Variants in ABCD3 observed in about 807,000 individuals in gnomAD.
ABCD3 encodes the protein ATP binding cassette subfamily D member 3.
Under a neutral mutation model 105.5 loss-of-function variants are expected in ABCD3, and 41 were observed. The observed-to-expected ratio is 0.39, with a 90% CI of 0.30 to 0.50. The LOEUF (loss-of-function observed/expected upper bound fraction) is 0.50. Among genes scored for constraint, ABCD3 ranks in the 20% least tolerant of loss-of-function variants. The pLI, the probability that ABCD3 is intolerant of heterozygous loss-of-function variation, is 0.84. For synonymous variants in ABCD3, 258 were observed against 269.0 expected (o/e 0.96, Z 0.40); for missense variants, 622 against 806.3 (o/e 0.77, Z 2.77).
intron 16 of ABCD3, among the ~76,000 whole-genome samples, chr1:94,492,822 A>G (rs1749541): frequency 0.74 from 112,074 of 152,042 alleles, 41,666 homozygotes; most frequent in Admixed American, 0.83. Flanking sequence ...TGGGATACTT[A>G]GAATAGATGG....
rs1557691806 is a variant in ABCD3 at position 94,506,637 on chromosome 1, C to T, written c.1840C>T (p.Arg614Ter). 4.3e-6 allele frequency: 7 copies of T among 1,610,942 alleles called. No individual in the cohort carries two copies. Among genetic ancestry groups the T allele is most frequent in the Non-Finnish European group, 5.1e-6 (6 of 1,177,754 alleles). ...GGAAGGCTACATTTATAGTCATTGTCGAAAGGTAAGTACGCAGGTGCTCAG... is the reference window on the plus strand; with the variant it reads ...GGAAGGCTACATTTATAGTCATTGTTGAAAGGTAAGTACGCAGGTGCTCAG... ...DVEGYIYSHC[R>*]KVGITLFTVS... is the part of the protein sequence containing the mutation. Residue 614 changes from arginine (R) to a stop codon, truncating the protein, a stop_gained, in exon 21 of 23, where the codon CGA becomes TGA. Coordinates refer to ENST00000370214, the MANE Select transcript of ABCD3 (RefSeq NM_002858.4). LOFTEE classifies it high-confidence loss of function.
intron 1 of ABCD3, among the ~76,000 whole-genome samples, chr1:94,440,795 G>A (rs758028289): frequency 3.3e-5 from 5 of 152,280 alleles, no homozygotes; most frequent in Non-Finnish European, 5.9e-5. Flanking sequence ...CATGGGTTTT[G>A]GGTTTTGCTA....
chr1:94,448,990 C>G (rs1336652022), intron 1 of ABCD3, among the ~76,000 whole-genome samples: 1 of 151,316 alleles, frequency 6.6e-6, no homozygotes, highest in Non-Finnish European at 1.5e-5. Flanking sequence ...AGCGGCTGAA[C>G]AGCATCTACA....
At chr1:94,515,807 ATT>A (rs1650889119) in intron 22 of ABCD3, among the ~76,000 whole-genome samples, 3 of 151,136 alleles carry the variant, frequency 2.0e-5, no homozygotes, top group Non-Finnish European at 4.4e-5. Context: ...AATTCTCTTT[ATT>A]TTCTTTCCTC....
chr1:94,462,161 A>T (rs559872368), intron 2 of ABCD3, among the ~76,000 whole-genome samples: 1 of 152,140 alleles, frequency 6.6e-6, no homozygotes, highest in East Asian at 1.9e-4. Context: ...TATAATGTTC[A>T]TGTTAAACTT....
intron 1 of ABCD3, among the ~76,000 whole-genome samples, chr1:94,428,910 C>A (rs188705781): frequency 4.9e-4 from 74 of 152,208 alleles, no homozygotes; most frequent in African/African-American, 1.6e-3. Flanking sequence ...GGGTAACAGG[C>A]AGAGGTTGGA....
chr1:94,418,757 C>T, intron 1 of ABCD3, 169 bp downstream of exon 1: 2 of 678,168 alleles, frequency 2.9e-6, no homozygotes, highest in Non-Finnish European at 5.0e-6. Flanking sequence ...CGAGTCCCCG[C>T]CACGACGGCG....
At chr1:94,412,895 A>G in the ABCD3 span, among the ~76,000 whole-genome samples, 181 of 152,244 alleles carry the variant, frequency 1.2e-3, no homozygotes, top group Middle Eastern at 6.8e-3. Context: ...TGTGTGAGCT[A>G]TATCATTATT....
At chr1:94,463,945 C>G (rs1266982571) in intron 2 of ABCD3, among the ~76,000 whole-genome samples, 2 of 152,168 alleles carry the variant, frequency 1.3e-5, no homozygotes, top group Non-Finnish European at 2.9e-5. Context: ...ATTTCCAACA[C>G]TGTATTTTTG....
In ABCD3 at chr1:94,517,305, T is replaced by C; in HGVS notation, c.*176T>C. On this transcript the variant is annotated 3_prime_UTR_variant, in exon 23 of 23. Coordinates refer to ENST00000370214, the MANE Select transcript of ABCD3 (RefSeq NM_002858.4). Reference sequence around the variant, plus strand: ...AGTTGTTAAAACATTTAATATTATATAGGATATTGCTAATTGTGTATATGT... The same window carrying C: ...AGTTGTTAAAACATTTAATATTATACAGGATATTGCTAATTGTGTATATGT... 1 of 559,454 alleles carries C rather than the reference T, an allele frequency of 1.8e-6. No homozygotes were observed. The highest frequency in any genetic ancestry group is 2.0e-5 in the South Asian group (1 of 50,836). 34.7% of individuals were successfully genotyped at this position (559,454 alleles called of 1,614,324 possible). A position where few individuals can be genotyped will look rare whatever the true frequency, so the allele number is the denominator to read the frequency against.
At chr1:94,512,425 A>G (rs968359714) in intron 21 of ABCD3, among the ~76,000 whole-genome samples, 11 of 151,936 alleles carry the variant, frequency 7.2e-5, no homozygotes, top group African/African-American at 2.4e-4. Context: ...ATGTTGTTTT[A>G]TATAAATGAG....
chr1:94,387,403 C>A, the ABCD3 span, among the ~76,000 whole-genome samples: 3 of 152,184 alleles, frequency 2.0e-5, no homozygotes, highest in Admixed American at 2.0e-4. Flanking sequence ...TTGGAGCTCC[C>A]TGCTGCATCC....
chr1:94,506,091 C>T (rs1262147879), intron 20 of ABCD3, among the ~76,000 whole-genome samples: 1 of 152,096 alleles, frequency 6.6e-6, no homozygotes, highest in Middle Eastern at 3.2e-3. Context: ...GGATATAAAA[C>T]AGGTACAATA....
At chr1:94,457,311 A>G (rs1647624083) in intron 1 of ABCD3, among the ~76,000 whole-genome samples, 1 of 152,240 alleles carries the variant, frequency 6.6e-6, no homozygotes, top group Admixed American at 6.5e-5. Flanking sequence ...AACTGAAATT[A>G]GAAATAATAA....
At chr1:94,410,251 C>T in the ABCD3 span, among the ~76,000 whole-genome samples, 1 of 152,242 alleles carries the variant, frequency 6.6e-6, no homozygotes, top group Non-Finnish European at 1.5e-5. Context: ...TCCCATAGTA[C>T]TTTGATTGTA....
At chr1:94,485,834 G>A (rs1649253619) in intron 10 of ABCD3, among the ~76,000 whole-genome samples, 1 of 152,114 alleles carries the variant, frequency 6.6e-6, no homozygotes, top group African/African-American at 2.4e-5. Flanking sequence ...GAACAATACA[G>A]ACATTAGTGT....
chr1:94,453,276 C>T (rs938440181), intron 1 of ABCD3, among the ~76,000 whole-genome samples: 1 of 151,390 alleles, frequency 6.6e-6, no homozygotes, highest in Non-Finnish European at 1.5e-5. Flanking sequence ...TTCAGTTTTT[C>T]AGTCTGTTTT....
chr1:94,443,505 G>A (rs533569472), intron 1 of ABCD3, among the ~76,000 whole-genome samples: 1 of 152,256 alleles, frequency 6.6e-6, no homozygotes, highest in South Asian at 2.1e-4. Context: ...GCTTGGTTTT[G>A]GGACTTGGTC....
upstream of ABCD3, among the ~76,000 whole-genome samples, chr1:94,416,329 G>T (rs1356726575): frequency 6.6e-6 from 1 of 152,132 alleles, no homozygotes; most frequent in Non-Finnish European, 1.5e-5. Flanking sequence ...GAAAGCATTA[G>T]ACAAAACTAA....
Sources: gnomAD v4.1 joint callset for allele counts (sites outside exome capture counted in the v4.1 genomes callset) on GRCh38, gnomAD v4.1.1 for gene constraint, MANE v1.5 for transcripts, NCBI Gene and HGNC (gene_info 2026-07-23, HGNC 2026-07-21) for gene names.